CCSER1: variants seen among roughly 807,000 people sequenced by gnomAD.
CCSER1 encodes serine-rich coiled-coil domain-containing protein 1.
CCSER1 carries 41 observed loss-of-function variants against 82.0 expected under a neutral mutation model. The ratio of observed to expected loss-of-function variants is 0.50; its 90% CI spans 0.39 to 0.65. The LOEUF is 0.65. CCSER1 is among the 30% of genes least tolerant of loss of function. The pLI, the probability that CCSER1 is intolerant of heterozygous loss-of-function variation, is 0.00. For synonymous variants in CCSER1, 414 were observed against 383.9 expected, an observed-to-expected ratio of 1.08 and a Z score of -0.92; for missense variants, 1,119 against 1,064.2, an observed-to-expected ratio of 1.05 and a Z score of -0.72.
At chr4:91,079,873 T>C (rs1212512505) in intron 9 of CCSER1, among the ~76,000 whole-genome samples, 4 of 151,528 alleles carry the variant, frequency 2.6e-5, no homozygotes, top group African/African-American at 7.2e-5. Flanking sequence ...CTAACTATTC[T>C]AAATTTATAG....
chr4:91,542,038 G>A (rs950259636), intron 10 of CCSER1, among the ~76,000 whole-genome samples: 2 of 152,160 alleles, frequency 1.3e-5, no homozygotes. Context: ...TTTGAGAAGT[G>A]TCTGTTAATA....
At chr4:90,240,317 G>A (rs1746603856) in intron 1 of CCSER1, among the ~76,000 whole-genome samples, 1 of 152,214 alleles carries the variant, frequency 6.6e-6, no homozygotes, top group Non-Finnish European at 1.5e-5. Context: ...TAGCCCTACA[G>A]AGGGAATTCT....
chr4:90,875,649 G>A (rs1767103348), intron 8 of CCSER1, among the ~76,000 whole-genome samples: 1 of 152,052 alleles, frequency 6.6e-6, no homozygotes, highest in African/African-American at 2.4e-5. Flanking sequence ...ATTCCCTAAG[G>A]TATTATATAG....
At chr4:90,531,227 G>C (rs538188769) in intron 5 of CCSER1, among the ~76,000 whole-genome samples, 43 of 151,720 alleles carry the variant, frequency 2.8e-4, no homozygotes, top group African/African-American at 9.4e-4. Context: ...AAAGGAAATG[G>C]CATTTTCTAA....
intron 6 of CCSER1, among the ~76,000 whole-genome samples, chr4:90,719,955 CTATT>C (rs1742375145): frequency 1.3e-5 from 2 of 152,040 alleles, no homozygotes; most frequent in Non-Finnish European, 2.9e-5. Flanking sequence ...TTTGTCTCGT[CTATT>C]TATTTGTTGA....
chr4:90,732,027 T>TCTCTCTCTCTCTC (rs1744828761), intron 7 of CCSER1, among the ~76,000 whole-genome samples: 1 of 131,146 alleles, frequency 7.6e-6, no homozygotes, highest in African/African-American at 3.2e-5. Context: ...CTATTGGGAT[T>TCTCTCTCTCTCTC]TCTCTCTCTC....
At chr4:90,199,555 C>T (rs999790089) in intron 1 of CCSER1, among the ~76,000 whole-genome samples, 1 of 151,324 alleles carries the variant, frequency 6.6e-6, no homozygotes, top group African/African-American at 2.4e-5. Flanking sequence ...TGTACATAAA[C>T]CCAACTGTAC....
In CCSER1 at chr4:91,003,872, G is replaced by A. The variant is rs376944593; in HGVS notation, c.2172+80425G>A. On this transcript the variant is annotated intron_variant, in intron 9 of 10. Transcript: ENST00000509176. ...GCAGGGAAGAAATGGCCTGCTAGGG[G>A]ACCCAGCAAGCCCACAGGGCTTTTC... is the stretch of plus-strand genomic sequence containing the variant. Among the ~76,000 whole-genome samples, 6 of 152,286 alleles carry A rather than the reference G, an allele frequency of 3.9e-5. No homozygotes were observed. In the East Asian group the frequency reaches 1.2e-3, roughly 29 times the overall value.
At chr4:91,562,809 A>G (rs1361761388) in intron 10 of CCSER1, among the ~76,000 whole-genome samples, 1 of 151,626 alleles carries the variant, frequency 6.6e-6, no homozygotes, top group African/African-American at 2.4e-5. Flanking sequence ...TAGTTTAAAG[A>G]GGAAATATTT....
At chr4:90,745,468 G>A (rs557441485) in intron 7 of CCSER1, among the ~76,000 whole-genome samples, 1 of 152,222 alleles carries the variant, frequency 6.6e-6, no homozygotes, top group African/African-American at 2.4e-5. Context: ...GGCGGGAAGC[G>A]TTATTCTGCC....
intron 5 of CCSER1, among the ~76,000 whole-genome samples, chr4:90,480,506 T>A (rs532771355): frequency 2.0e-5 from 3 of 152,328 alleles, no homozygotes; most frequent in South Asian, 4.1e-4. Flanking sequence ...TTTTTATGGT[T>A]TTAGGTCTAA....
At chr4:90,248,077 G>A (rs1313550840) in intron 1 of CCSER1, among the ~76,000 whole-genome samples, 2 of 151,870 alleles carry the variant, frequency 1.3e-5, no homozygotes, top group African/African-American at 2.4e-5. Context: ...TGAATAAGTT[G>A]GGCAAATATA....
chr4:90,642,377 A>G (rs1726697414), intron 6 of CCSER1: 1 of 152,376 alleles, frequency 6.6e-6, no homozygotes, highest in African/African-American at 2.4e-5. Flanking sequence ...CAGATGAGCA[A>G]AAGTGTTTCA....
chr4:91,427,821 T>G (rs1297885927), intron 10 of CCSER1, among the ~76,000 whole-genome samples: 1 of 152,146 alleles, frequency 6.6e-6, no homozygotes, highest in Non-Finnish European at 1.5e-5. Context: ...ATAACTGACA[T>G]GGAATTTTAA....
chr4:90,992,412 T>C (rs1365955227), intron 9 of CCSER1, among the ~76,000 whole-genome samples: 9 of 152,074 alleles, frequency 5.9e-5, no homozygotes, highest in South Asian at 4.1e-4. Flanking sequence ...TTGTCACATC[T>C]AGAAAGCCTA....
chr4:90,452,705 G>A (rs950991478), intron 4 of CCSER1, among the ~76,000 whole-genome samples: 2 of 152,184 alleles, frequency 1.3e-5, no homozygotes, highest in African/African-American at 4.8e-5. Context: ...ATAGGTCAAA[G>A]GCCCTTTTAG....
At chr4:91,545,269 C>T (rs988559478) in intron 10 of CCSER1, among the ~76,000 whole-genome samples, 1 of 152,132 alleles carries the variant, frequency 6.6e-6, no homozygotes, top group African/African-American at 2.4e-5. Context: ...TGACCCCTTG[C>T]ACTTCCTGGG....
rs545552204 is a variant in CCSER1 at position 90,833,599 on chromosome 4, C to T, written c.2094+17754C>T. On this transcript the variant is annotated intron_variant, in intron 8 of 10. Coordinates refer to ENST00000509176, the MANE Select transcript of CCSER1 (RefSeq NM_001145065.2). ...TCGTTTGTTCACTACCAGCCAGTCT[C>T]CTAAGAACCAGTGTATAAAATGGTT... 9.2e-5 allele frequency among the ~76,000 whole-genome samples: 14 copies of T among 152,244 alleles called. No individual in the cohort carries two copies. In the East Asian group the frequency reaches 1.9e-3, roughly 21 times the overall value.
intron 10 of CCSER1, among the ~76,000 whole-genome samples, chr4:91,440,934 T>C (rs1755085872): frequency 1.3e-5 from 2 of 151,914 alleles, no homozygotes; most frequent in African/African-American, 4.8e-5. Context: ...AAGTTGAATC[T>C]CTGAATAGAC....
Sources: allele counts gnomAD v4.1 joint callset (sites outside exome capture counted in the v4.1 genomes callset), GRCh38; gene constraint gnomAD v4.1.1; transcripts MANE v1.5; gene names NCBI Gene and HGNC (gene_info 2026-07-23, HGNC 2026-07-21).